BBOF1: variants seen among roughly 807,000 people sequenced by gnomAD.
BBOF1 encodes basal body-orientation factor 1.
In BBOF1, 62 loss-of-function variants were observed where a neutral mutation model predicts 68.0. That is an observed-to-expected ratio of 0.91 (90% CI 0.74 to 1.13). BBOF1 has a LOEUF of 1.13. Among genes scored for constraint, BBOF1 ranks in the 50% most tolerant of loss-of-function variants. BBOF1 has a pLI of 0.00. For synonymous variants in BBOF1, 208 were observed against 198.8 expected (o/e 1.05, Z -0.39); for missense variants, 534 against 600.1 (o/e 0.89, Z 1.15).
At chr14:74,062,323 C>T (rs2060364380) in intron 11 of BBOF1, among the ~76,000 whole-genome samples, 1 of 151,604 alleles carries the variant, frequency 6.6e-6, no homozygotes, top group African/African-American at 2.4e-5. Flanking sequence ...GTGACTAGGC[C>T]GGGTGCGGTG....
At chr14:74,059,285 T>C (rs1595099735) in intron 11 of BBOF1, 1 of 408,654 alleles carries the variant, frequency 2.4e-6, no homozygotes, top group East Asian at 7.5e-5. Flanking sequence ...TATATAAAAT[T>C]TGGCAAGTAA....
At chr14:74,047,076 C>G (rs2059967291) in intron 6 of BBOF1, among the ~76,000 whole-genome samples, 1 of 152,128 alleles carries the variant, frequency 6.6e-6, no homozygotes, top group South Asian at 2.1e-4. Flanking sequence ...AAAAGTAGGG[C>G]TAATTTACTT....
intron 8 of BBOF1, among the ~76,000 whole-genome samples, chr14:74,051,785 A>C (rs1199349957): frequency 6.6e-6 from 1 of 151,674 alleles, no homozygotes; most frequent in African/African-American, 2.4e-5. Context: ...CAAGAAACTT[A>C]AAAGGACTGC....
In BBOF1 at chr14:74,049,819, A is replaced by G. The variant is rs1476682906; in HGVS notation, c.910A>G (p.Lys304Glu). The change falls in exon 8 of 12, where the codon AAA (lysine) becomes GAA (glutamate). Residue 304 changes from lysine to glutamate, a missense_variant. Transcript: ENST00000394009. ...GGAGACTGCTCTGAGTTACATGACC[A>G]AAGAGTTTGAGAGTGAAGTTTTAAA... ...NLETALSYMT[K>E]EFESEVLKLQ... 6.2e-7 allele frequency: 1 copy of G among 1,614,080 alleles called. No individual in the cohort carries two copies.
chr14:74,027,171 C>T (rs1477559562), intron 2 of BBOF1, among the ~76,000 whole-genome samples: 1 of 142,248 alleles, frequency 7.0e-6, no homozygotes. Flanking sequence ...ACTGCAACCT[C>T]AAAGGATCAC....
intron 8 of BBOF1, among the ~76,000 whole-genome samples, chr14:74,054,568 G>A (rs1383287507): frequency 6.8e-6 from 1 of 147,646 alleles, no homozygotes; most frequent in Non-Finnish European, 1.5e-5. Flanking sequence ...TAGTAGAGAT[G>A]GGGTTTCACC....
chr14:74,033,908 A>G lies in BBOF1; in HGVS notation c.352-120A>G, dbSNP rs952936519. On this transcript the variant is annotated intron_variant, in intron 3 of 11. Coordinates refer to ENST00000394009, the MANE Select transcript of BBOF1 (RefSeq NM_025057.3). ...TAAATAAATAAATAAATAAAAATAG[A>G]AAAAAGGGGGGATATTTCTTCAAAG... 3 of 500,852 alleles carry G rather than the reference A, an allele frequency of 6.0e-6. No homozygotes were observed. In the Admixed American group the frequency reaches 1.3e-4, roughly 21 times the overall value. The allele number at this position is 500,852 out of a possible 1,614,324, so 31.0% of individuals were successfully genotyped here. A position where few individuals can be genotyped will look rare whatever the true frequency, so the allele number is the denominator to read the frequency against.
rs769287815 is a variant in BBOF1 at position 74,033,957 on chromosome 14, T to C, written c.352-71T>C. ...AGAAGATATGCAAATGGCGTAAGGC[T>C]TCAAATGAAACATGACTTTGTGGGA... On this transcript the variant is annotated intron_variant, in intron 3 of 11. Transcript: ENST00000394009. 2.0e-4 allele frequency: 252 copies of C among 1,284,904 alleles called. 1 individual carries two copies. Among genetic ancestry groups the C allele is most frequent in the Non-Finnish European group, 2.6e-4 (242 of 939,374 alleles). 79.6% of individuals were successfully genotyped at this position (1,284,904 alleles called of 1,614,324 possible). A position where few individuals can be genotyped will look rare whatever the true frequency, so the allele number is the denominator to read the frequency against.
At position 74,064,983 on chromosome 14, in the gene BBOF1, A is replaced by C; in HGVS notation, c.*284A>C. ...AAGGAACTCTCCATTTAGAAACACA[A>C]AGGCATCAGAGACCAGTTTTAAATA... On this transcript the variant is annotated 3_prime_UTR_variant, in exon 12 of 12. Transcript: ENST00000394009. 1.3e-6 allele frequency: 2 copies of C among 1,501,178 alleles called. No homozygotes were observed. Among genetic ancestry groups the C allele is most frequent in the South Asian group, 1.2e-5 (1 of 86,746 alleles). 93.0% of individuals were successfully genotyped at this position (1,501,178 alleles called of 1,614,324 possible).
intron 8 of BBOF1, among the ~76,000 whole-genome samples, chr14:74,051,936 A>T (rs1388627199): frequency 6.6e-6 from 1 of 151,680 alleles, no homozygotes; most frequent in Non-Finnish European, 1.5e-5. Context: ...GACTAATTTT[A>T]TAGGTTGTTT....
intron 1 of BBOF1, among the ~76,000 whole-genome samples, chr14:74,020,764 A>G (rs1352723956): frequency 6.6e-6 from 1 of 152,110 alleles, no homozygotes; most frequent in Non-Finnish European, 1.5e-5. Flanking sequence ...TCGGCCTCCC[A>G]AAGTGCTGGG....
At chr14:74,060,848 C>A in intron 11 of BBOF1, 1 of 819,590 alleles carries the variant, frequency 1.2e-6, no homozygotes, top group East Asian at 2.5e-5. Context: ...ACTCACTTTC[C>A]TAATTGAGAA....
chr14:74,034,190 T>C lies in BBOF1; in HGVS notation c.495+19T>C. 1 of 1,492,062 alleles carries C rather than the reference T, an allele frequency of 6.7e-7. No individual in the cohort carries two copies. The highest frequency in any genetic ancestry group is 8.9e-7 in the Non-Finnish European group (1 of 1,117,390). 92.4% of individuals were successfully genotyped at this position (1,492,062 alleles called of 1,614,324 possible). A position where few individuals can be genotyped will look rare whatever the true frequency, so the allele number is the denominator to read the frequency against. ...AGATGATGTAAGTTTCATTCCTTTT[T>C]TACAAAAAGGAAATTAGAATTAACT... is the stretch of plus-strand genomic sequence containing the variant. On this transcript the variant is annotated intron_variant, in intron 4 of 11. Coordinates refer to ENST00000394009, the MANE Select transcript of BBOF1 (RefSeq NM_025057.3).
chr14:74,025,179 T>A (rs2059396953), intron 2 of BBOF1, among the ~76,000 whole-genome samples: 3 of 152,242 alleles, frequency 2.0e-5, no homozygotes, highest in Admixed American at 2.0e-4. Context: ...AATTTCCAAA[T>A]GTGTTACTTA....
chr14:74,035,584 A>ATTTTTTTTTTTTTTTTTTTTTTTTTTTTT (rs71460945), intron 4 of BBOF1, among the ~76,000 whole-genome samples: 3 of 81,392 alleles, frequency 3.7e-5, no homozygotes, highest in Admixed American at 1.3e-4. Flanking sequence ...CCCCCAGCTA[A>ATTTTTTTTTTTTTTTTTTTTTTTTTTTTT]TTTTTTTTTT....
intron 4 of BBOF1, among the ~76,000 whole-genome samples, chr14:74,037,696 G>A (rs1271158368): frequency 2.0e-5 from 3 of 151,278 alleles, no homozygotes; most frequent in Non-Finnish European, 2.9e-5. Flanking sequence ...GCTCACGCCT[G>A]TAATACCAGC....
intron 9 of BBOF1, 105 bp from the exon 10 acceptor site, chr14:74,056,801 C>A: frequency 1.3e-6 from 1 of 742,496 alleles, no homozygotes. Flanking sequence ...TACTATCACC[C>A]ACAAAAATAA....
chr14:74,037,870 G>A (rs12882479), intron 4 of BBOF1, among the ~76,000 whole-genome samples: 241 of 151,524 alleles, frequency 1.6e-3, no homozygotes, highest in Non-Finnish European at 2.8e-3. Context: ...CAGGAGAATC[G>A]CTTGAACCTG....
At chr14:74,020,137 C>T (rs1387326689) in intron 1 of BBOF1, among the ~76,000 whole-genome samples, 1 of 152,206 alleles carries the variant, frequency 6.6e-6, no homozygotes, top group Non-Finnish European at 1.5e-5. Context: ...AAAATAAACA[C>T]TACTATATTT....
Sources: allele counts gnomAD v4.1 joint callset (sites outside exome capture counted in the v4.1 genomes callset), GRCh38; gene constraint gnomAD v4.1.1; transcripts MANE v1.5; gene names NCBI Gene and HGNC (gene_info 2026-07-23, HGNC 2026-07-21).